ARMC9: variants seen among roughly 807,000 people sequenced by gnomAD.
ARMC9 encodes the protein armadillo repeat containing 9.
ARMC9 carries 94 observed loss-of-function variants against 107.0 expected under a neutral mutation model. That is an observed-to-expected ratio of 0.88 (90% CI 0.74 to 1.04). The LOEUF is 1.04. ARMC9 is among the 50% of genes least tolerant of loss of function. The pLI is 0.00. For synonymous variants in ARMC9, 380 were observed against 396.9 expected (o/e 0.96, Z 0.51); for missense variants, 942 against 1,030.1 (o/e 0.91, Z 1.17).
Position 231,331,798 on chromosome 2 carries a change from C to T in ARMC9, c.1779C>T (p.Asp593=). Residue 593 remains aspartate (D), a synonymous_variant, in exon 20 of 25, where the codon GAC becomes GAT. Coordinates refer to ENST00000611582, the MANE Select transcript of ARMC9 (RefSeq NM_001352754.2). The part of the protein sequence containing the change: ...DDDEDEDDEE[D]HDIMEADLDK... ...CCCCATGTCTCCTGAAACAGGAGGA[C>T]CATGACATCATGGAAGCCGATCTGG... 3 of 1,613,770 alleles carry T rather than the reference C, an allele frequency of 1.9e-6. No homozygotes were observed. The highest frequency in any genetic ancestry group is 2.2e-5 in the East Asian group (1 of 44,872).
intron 14 of ARMC9, among the ~76,000 whole-genome samples, chr2:231,274,830 TC>T (rs1350709282): frequency 6.6e-6 from 1 of 152,200 alleles, no homozygotes; most frequent in East Asian, 1.9e-4. Context: ...ATTTGCCAGC[TC>T]CCTGCCAATG....
At position 231,198,683 on chromosome 2, in the gene ARMC9, C is replaced by G. The variant is rs527542965; in HGVS notation, c.-57C>G. The G allele has an allele frequency of 1.3e-5, 2 of 152,198 alleles. No homozygotes were observed. Among genetic ancestry groups the G allele is most frequent in the African/African-American group, 4.8e-5 (2 of 41,450 alleles). The allele number at this position is 152,198 out of a possible 1,614,324, so 9.4% of individuals were successfully genotyped here. A position where few individuals can be genotyped will look rare whatever the true frequency, so the allele number is the denominator to read the frequency against. ...GCCGGGCTGGGATAGCGCGAGTGTC[C>G]GCGGCCGAGCAGCAGGTAAGCGCGT... On this transcript the variant is annotated 5_prime_UTR_variant, in exon 1 of 25. Coordinates refer to ENST00000611582, the MANE Select transcript of ARMC9 (RefSeq NM_001352754.2).
In ARMC9 at chr2:231,208,319, G is replaced by C. The variant is rs911849062; in HGVS notation, c.177+67G>C. On this transcript the variant is annotated intron_variant, in intron 3 of 24. Coordinates refer to ENST00000611582, the MANE Select transcript of ARMC9 (RefSeq NM_001352754.2). ...ATGCTCCCAACTTGTGGAAAATGCT[G>C]CTGTTGGATAGTGCTAGAATAGTTT... 5.4e-6 allele frequency: 7 copies of C among 1,290,494 alleles called. No homozygotes were observed. The African/African-American group carries it at 8.9e-5, about 16-fold the overall frequency. The allele number at this position is 1,290,494 out of a possible 1,614,324, so 79.9% of individuals were successfully genotyped here. A position where few individuals can be genotyped will look rare whatever the true frequency, so the allele number is the denominator to read the frequency against.
In ARMC9 at chr2:231,258,985, G is replaced by A; in HGVS notation, c.915-6G>A. Reference sequence around the variant, plus strand: ...TCTTTCTCTTTGAACTTGTGTTGCTGAGTAGGAAATTGAAGGATGTCCCAT... The same window carrying A: ...TCTTTCTCTTTGAACTTGTGTTGCTAAGTAGGAAATTGAAGGATGTCCCAT... On this transcript the variant is annotated splice_polypyrimidine_tract_variant and splice_region_variant and intron_variant, in intron 10 of 24. Coordinates refer to ENST00000611582, the MANE Select transcript of ARMC9 (RefSeq NM_001352754.2). 2 of 1,607,326 alleles carry A rather than the reference G, an allele frequency of 1.2e-6. No individual in the cohort carries two copies. Among genetic ancestry groups the A allele is most frequent in the Non-Finnish European group, 1.7e-6 (2 of 1,173,916 alleles).
intron 7 of ARMC9, 113 bp from the exon 8 acceptor site, chr2:231,235,108 TTTA>T: frequency 8.6e-7 from 1 of 1,158,792 alleles, no homozygotes; most frequent in Admixed American, 2.6e-5. Flanking sequence ...TAGTGTCCAG[TTTA>T]TTGTTACAAG....
intron 17 of ARMC9, among the ~76,000 whole-genome samples, chr2:231,288,196 T>C (rs902778763): frequency 1.3e-5 from 2 of 152,144 alleles, no homozygotes; most frequent in African/African-American, 2.4e-5. Flanking sequence ...GCTATGAAAA[T>C]GTAGTTTATA....
intron 9 of ARMC9, among the ~76,000 whole-genome samples, chr2:231,243,349 G>T (rs926367463): frequency 6.6e-6 from 1 of 151,538 alleles, no homozygotes; most frequent in Non-Finnish European, 1.5e-5. Flanking sequence ...GGAGGTTGAG[G>T]CTACAGCAAG....
Position 231,255,277 on chromosome 2 carries a change from G to C in ARMC9, c.880-1309G>C, listed in dbSNP as rs765338514. ...AGGTGATGATTTTGCCTATGGACAGGATCAGGATTAAAAGAGAGTGGGGTG... is the reference window on the plus strand; with the variant it reads ...AGGTGATGATTTTGCCTATGGACAGCATCAGGATTAAAAGAGAGTGGGGTG... On this transcript the variant is annotated intron_variant, in intron 9 of 24. Coordinates refer to ENST00000611582, the MANE Select transcript of ARMC9 (RefSeq NM_001352754.2). This position sits in a 1 kb window ranked among gnomAD's most constrained non-coding sequence, Gnocchi z 4.7. Among the ~76,000 whole-genome samples the C allele has an allele frequency of 6.6e-6, 1 of 151,852 alleles. No individual in the cohort carries two copies. The highest frequency in any genetic ancestry group is 1.5e-5 in the Non-Finnish European group (1 of 67,994).
chr2:231,226,629 C>T, intron 6 of ARMC9, 145 bp from the exon 7 acceptor site: 1 of 920,810 alleles, frequency 1.1e-6, no homozygotes, highest in Non-Finnish European at 1.8e-6. Context: ...TAGCTATTTA[C>T]AGCAACAGTT....
chr2:231,252,634 T>C (rs146655681), intron 9 of ARMC9, among the ~76,000 whole-genome samples: 115 of 151,948 alleles, frequency 7.6e-4, no homozygotes, highest in African/African-American at 2.7e-3. Flanking sequence ...AGGTGTTAGG[T>C]GAATAATTTT....
chr2:231,316,754 G>T (rs1279129757), intron 19 of ARMC9, among the ~76,000 whole-genome samples: 9 of 151,964 alleles, frequency 5.9e-5, no homozygotes, highest in African/African-American at 2.2e-4. Context: ...TTGTCTTCTG[G>T]CTTCCATTGT....
At chr2:231,371,221 C>T (rs2046007949) in intron 24 of ARMC9, among the ~76,000 whole-genome samples, 1 of 152,252 alleles carries the variant, frequency 6.6e-6, no homozygotes, top group African/African-American at 2.4e-5. Flanking sequence ...AGCAGCATAG[C>T]GTGGCCACGG....
chr2:231,219,306 G>A (rs75984718), intron 5 of ARMC9, among the ~76,000 whole-genome samples: 4,125 of 152,064 alleles, frequency 0.027, 67 homozygotes, highest in Non-Finnish European at 0.043. Context: ...TGGGATAGTC[G>A]TCTCCTCTTA....
At position 231,341,640 on chromosome 2, in the gene ARMC9, T is replaced by TGATAGATAGATAGATA. The variant is rs56256642; in HGVS notation, c.1879-3312_1879-3297dup. ...GATGATTGATTGATAGATAGATAGATGATAGATAGATAGATAGATAGATAG... is the reference window on the plus strand; with the variant it reads ...GATGATTGATTGATAGATAGATAGATGATAGATAGATAGATAGATAGATAGATAGATAGATAGATAG... On this transcript the variant is annotated intron_variant, in intron 20 of 24. Transcript: ENST00000611582. Among the ~76,000 whole-genome samples, 1,065 of 140,118 alleles carry TGATAGATAGATAGATA rather than the reference T, an allele frequency of 7.6e-3. 10 individuals carry two copies. The highest frequency in any genetic ancestry group is 0.011 in the East Asian group (53 of 5,032). 91.9% of individuals were successfully genotyped at this position (140,118 alleles called of 152,430 possible). A position where few individuals can be genotyped will look rare whatever the true frequency, so the allele number is the denominator to read the frequency against.
intron 21 of ARMC9, among the ~76,000 whole-genome samples, chr2:231,353,973 G>GTA (rs35380089): frequency 1.4e-4 from 17 of 125,038 alleles, no homozygotes; most frequent in Admixed American, 3.0e-4. Flanking sequence ...CAGCATATAT[G>GTA]TATATATACA....
intron 3 of ARMC9, 122 bp downstream of exon 3, chr2:231,208,374 G>T: frequency 1.3e-6 from 1 of 742,346 alleles, no homozygotes; most frequent in South Asian, 1.7e-5. Flanking sequence ...TACTTTAGAT[G>T]GCACAAGTGT....
chr2:231,269,376 T>C (rs1283840334), intron 12 of ARMC9, among the ~76,000 whole-genome samples: 1 of 151,506 alleles, frequency 6.6e-6, no homozygotes, highest in Non-Finnish European at 1.5e-5. Flanking sequence ...GTTCCACTCT[T>C]TAGGAGATTT....
At position 231,259,108 on chromosome 2, in the gene ARMC9, T is replaced by G. The variant is rs1350656802; in HGVS notation, c.1026+6T>G. 6.2e-7 allele frequency: 1 copy of G among 1,607,244 alleles called. No homozygotes were observed. Among genetic ancestry groups the G allele is most frequent in the South Asian group, 1.1e-5 (1 of 90,524 alleles). On this transcript the variant is annotated splice_donor_region_variant and intron_variant, in intron 11 of 24. Coordinates refer to ENST00000611582, the MANE Select transcript of ARMC9 (RefSeq NM_001352754.2). ...TGTTGCAGGCTCTGCGCTGGGTAGG[T>G]ACCTTTGTCTTAAAGTTAGAAAACA...
intron 11 of ARMC9, 59 bp downstream of exon 11, chr2:231,259,161 C>G: frequency 7.1e-7 from 1 of 1,402,978 alleles, no homozygotes. Flanking sequence ...GTTTTCTTGG[C>G]TGGCTACCTT....
Sources: allele counts gnomAD v4.1 joint callset (sites outside exome capture counted in the v4.1 genomes callset), GRCh38; gene constraint gnomAD v4.1.1; non-coding constraint Gnocchi (gnomAD v3.1); transcripts MANE v1.5; gene names NCBI Gene and HGNC (gene_info 2026-07-23, HGNC 2026-07-21).